The following CAMTA1 variants were observed in gnomAD, a reference collection of about 807,000 sequenced individuals.
The protein encoded by CAMTA1 is calmodulin-binding transcription activator 1.
CAMTA1 carries 27 observed loss-of-function variants against 170.9 expected under a neutral mutation model. The ratio of observed to expected loss-of-function variants is 0.16; its 90% CI spans 0.12 to 0.22. The LOEUF (loss-of-function observed/expected upper bound fraction) is 0.22. CAMTA1 is among the 10% of genes least tolerant of loss of function. The pLI is 1.00. For synonymous variants in CAMTA1, 833 were observed against 891.5 expected, an observed-to-expected ratio of 0.93 and a Z score of 1.17; for missense variants, 1,619 against 2,217.2, an observed-to-expected ratio of 0.73 and a Z score of 5.42.
At chr1:6,961,876 G>T (rs1490629846) in intron 3 of CAMTA1, among the ~76,000 whole-genome samples, 1 of 152,178 alleles carries the variant, frequency 6.6e-6, no homozygotes, top group Non-Finnish European at 1.5e-5. Flanking sequence ...CTGGGAGGAC[G>T]GCCAGAGTGC....
In CAMTA1 at chr1:7,673,254, C is replaced by A. The variant is rs755887138; in HGVS notation, c.2779+2217C>A. ...CCCCGGGGCTGGAGTCAGCCACACT[C>A]GGGTCCATCCCAGATCAGCCAGAAA... On this transcript the variant is annotated intron_variant, in intron 10 of 22. Coordinates refer to ENST00000303635, the MANE Select transcript of CAMTA1 (RefSeq NM_015215.4). This position sits in a 1 kb window ranked among gnomAD's most constrained non-coding sequence, Gnocchi z 4.6. Among the ~76,000 whole-genome samples the A allele has an allele frequency of 6.6e-6, 1 of 152,206 alleles. No homozygotes were observed. The highest frequency in any genetic ancestry group is 1.5e-5 in the Non-Finnish European group (1 of 68,022).
At chr1:7,444,322 G>C (rs1052349432) in intron 5 of CAMTA1, among the ~76,000 whole-genome samples, 1 of 152,182 alleles carries the variant, frequency 6.6e-6, no homozygotes, top group Non-Finnish European at 1.5e-5. Context: ...GACCCACTCT[G>C]TACCCAGCAC....
intron 5 of CAMTA1, among the ~76,000 whole-genome samples, chr1:7,342,155 A>G (rs2083880959): frequency 6.6e-6 from 1 of 152,212 alleles, no homozygotes; most frequent in Admixed American, 6.5e-5. Context: ...CTTGAGGGCA[A>G]TATCTGGGAG....
At chr1:7,480,209 G>A (rs1295319974) in intron 6 of CAMTA1, among the ~76,000 whole-genome samples, 1 of 75,120 alleles carries the variant, frequency 1.3e-5, no homozygotes. Context: ...GTGTGTGAGT[G>A]CATGTGTGTA....
intron 3 of CAMTA1, among the ~76,000 whole-genome samples, chr1:6,854,707 A>G (rs866156100): frequency 1.2e-4 from 19 of 152,228 alleles, no homozygotes; most frequent in Admixed American, 2.0e-4. Flanking sequence ...CAGGTTTAAT[A>G]TTTGAAAAAT....
chr1:6,837,256 G>A (rs1204519185), intron 3 of CAMTA1, among the ~76,000 whole-genome samples: 2 of 151,996 alleles, frequency 1.3e-5, no homozygotes, highest in African/African-American at 4.8e-5. Flanking sequence ...GTGCCTGGCA[G>A]GAGTTCCCTT....
intron 3 of CAMTA1, among the ~76,000 whole-genome samples, chr1:7,006,313 G>A (rs1699001684): frequency 6.6e-6 from 1 of 152,068 alleles, no homozygotes. Context: ...ACTAATATAT[G>A]CTTATTACGG....
chr1:7,712,671 G>C (rs1445232480), intron 11 of CAMTA1, among the ~76,000 whole-genome samples: 1 of 152,204 alleles, frequency 6.6e-6, no homozygotes, highest in Admixed American at 6.5e-5. Flanking sequence ...AAATCTTTCT[G>C]AGGTGGCTCA....
At chr1:7,074,055 G>C (rs574960149) in intron 3 of CAMTA1, among the ~76,000 whole-genome samples, 1 of 152,314 alleles carries the variant, frequency 6.6e-6, no homozygotes, top group East Asian at 1.9e-4. Context: ...TCTGATTGAG[G>C]AGTGGGCAGG....
rs1483515568 is a variant in CAMTA1 at position 7,561,178 on chromosome 1, C to G, written c.511-79222C>G. On this transcript the variant is annotated intron_variant, in intron 6 of 22. Transcript: ENST00000303635. This position sits in a 1 kb window ranked among gnomAD's most constrained non-coding sequence, Gnocchi z 5.3. ...GGGCCGGTGGGTGGTGAATGAAGGG[C>G]TCCCAGCAAACCACAGCCGATCCAG... is the stretch of plus-strand genomic sequence containing the variant. Among the ~76,000 whole-genome samples, 2 of 152,064 alleles carry G rather than the reference C, an allele frequency of 1.3e-5. No individual in the cohort carries two copies. The highest frequency in any genetic ancestry group is 4.8e-5 in the African/African-American group (2 of 41,414).
At chr1:7,644,303 A>G (rs931524454) in intron 7 of CAMTA1, among the ~76,000 whole-genome samples, 1 of 152,196 alleles carries the variant, frequency 6.6e-6, no homozygotes, top group Non-Finnish European at 1.5e-5. Flanking sequence ...TGCTTCCTTC[A>G]GATGAAAAAA....
intron 6 of CAMTA1, among the ~76,000 whole-genome samples, chr1:7,557,846 G>A (rs530961153): frequency 5.3e-5 from 8 of 152,328 alleles, no homozygotes; most frequent in Non-Finnish European, 1.0e-4. Context: ...TGACCGCAAG[G>A]GTCTTCTCTG....
At chr1:7,232,016 C>T (rs1370697160) in intron 4 of CAMTA1, among the ~76,000 whole-genome samples, 1 of 152,204 alleles carries the variant, frequency 6.6e-6, no homozygotes, top group Non-Finnish European at 1.5e-5. Flanking sequence ...CATGCGATGC[C>T]GGGGAGGACT....
At chr1:6,967,255 C>T (rs1250067441) in intron 3 of CAMTA1, among the ~76,000 whole-genome samples, 2 of 150,070 alleles carry the variant, frequency 1.3e-5, no homozygotes, top group African/African-American at 2.5e-5. Context: ...ACAAAAAAAC[C>T]AAAAAATCAG....
intron 6 of CAMTA1, among the ~76,000 whole-genome samples, chr1:7,597,744 T>G (rs981583561): frequency 6.6e-6 from 1 of 152,158 alleles, no homozygotes; most frequent in African/African-American, 2.4e-5. Flanking sequence ...CATAAGACCT[T>G]CAATGATTGA....
At chr1:7,039,086 A>G (rs1379195140) in intron 3 of CAMTA1, among the ~76,000 whole-genome samples, 2 of 152,238 alleles carry the variant, frequency 1.3e-5, no homozygotes, top group Non-Finnish European at 2.9e-5. Context: ...AGATGTTTCT[A>G]TATGCCAAGG....
intron 5 of CAMTA1, among the ~76,000 whole-genome samples, chr1:7,375,032 C>T (rs1010254482): frequency 6.6e-6 from 1 of 152,176 alleles, no homozygotes; most frequent in Non-Finnish European, 1.5e-5. Flanking sequence ...ATGCGATAAC[C>T]AGCAGATAGC....
intron 4 of CAMTA1, among the ~76,000 whole-genome samples, chr1:7,207,338 AGGT>A (rs1657920697): frequency 6.6e-6 from 1 of 152,228 alleles, no homozygotes; most frequent in African/African-American, 2.4e-5. Flanking sequence ...GTCAAGGGCC[AGGT>A]TGCTGACACT....
In CAMTA1 at chr1:7,155,419, G is replaced by A. The variant is rs183455756; in HGVS notation, c.302+64048G>A. Reference sequence around the variant, plus strand: ...GGGATTGGGCAGGGAAAAGAGTGGCGCCCACAGAGCAGGACACGGAGAAGC... The same window carrying A: ...GGGATTGGGCAGGGAAAAGAGTGGCACCCACAGAGCAGGACACGGAGAAGC... On this transcript the variant is annotated intron_variant, in intron 4 of 22. Coordinates refer to ENST00000303635, the MANE Select transcript of CAMTA1 (RefSeq NM_015215.4). Among the ~76,000 whole-genome samples the A allele has an allele frequency of 2.4e-4, 37 of 151,512 alleles. 1 individual carries two copies. Among genetic ancestry groups the A allele is most frequent in the Non-Finnish European group, 1.5e-4 (10 of 67,904 alleles).
Sources: gnomAD v4.1 joint callset for allele counts (sites outside exome capture counted in the v4.1 genomes callset) on GRCh38, gnomAD v4.1.1 for gene constraint, Gnocchi (gnomAD v3.1) non-coding constraint, MANE v1.5 for transcripts, NCBI Gene and HGNC (gene_info 2026-07-23, HGNC 2026-07-21) for gene names.